Variants in NUP205 observed in about 807,000 individuals in gnomAD.
The protein encoded by NUP205 is nucleoporin 205.
In NUP205, 76 loss-of-function variants were observed where a neutral mutation model predicts 253.8. The observed-to-expected ratio is 0.30, with a 90% CI of 0.25 to 0.36. The LOEUF (loss-of-function observed/expected upper bound fraction) is 0.36, where lower values mean the gene tolerates loss of function less well. Ranked by LOEUF, NUP205 falls within the 10% of genes least tolerant of loss-of-function variation. NUP205 has a pLI of 1.00. For missense variants in NUP205, 2,162 were observed against 2,425.5 expected, an observed-to-expected ratio of 0.89 and a Z score of 2.28; for synonymous variants, 832 against 850.1, an observed-to-expected ratio of 0.98 and a Z score of 0.37.
rs61459701 is a variant in NUP205, at chr7:135,584,908, G to A, written c.1119G>A (p.Met373Ile). 0.036 allele frequency: 58,059 copies of A among 1,613,540 alleles called. 1,211 individuals are homozygous for A. The highest frequency in any genetic ancestry group is 0.075 in the Middle Eastern group (457 of 6,058). Reference sequence around the variant, plus strand: ...CTGACAACGTTTTCCTGTTCCTCATGGAATCTGTAGTGGTATCAGAATACT... The same window carrying A: ...CTGACAACGTTTTCCTGTTCCTCATAGAATCTGTAGTGGTATCAGAATACT... ...AIADNVFLFL[M>I]ESVVVSEYFY... The change falls in exon 8 of 43, where the codon ATG becomes ATA. Residue 373 changes from methionine (M) to isoleucine (I), a missense_variant. By Grantham distance (10) the Met-to-Ile change is conservative (BLOSUM62 1). Coordinates refer to ENST00000285968, the MANE Select transcript of NUP205 (RefSeq NM_015135.3).
chr7:135,629,557 C>T (rs1217809593), intron 34 of NUP205, among the ~76,000 whole-genome samples: 1 of 145,944 alleles, frequency 6.9e-6, no homozygotes, highest in Non-Finnish European at 1.5e-5. Flanking sequence ...GACAGAGTCT[C>T]ACTTCGTCAC....
intron 22 of NUP205, among the ~76,000 whole-genome samples, chr7:135,609,051 C>A (rs1386940769): frequency 6.7e-6 from 1 of 148,370 alleles, no homozygotes; most frequent in Non-Finnish European, 1.5e-5. Flanking sequence ...TTGCAGTGAA[C>A]CTAGATCGTG....
intron 36 of NUP205, among the ~76,000 whole-genome samples, chr7:135,636,511 T>A (rs1794813602): frequency 6.6e-6 from 1 of 151,870 alleles, no homozygotes; most frequent in Non-Finnish European, 1.5e-5. Context: ...ATACTTTGGG[T>A]TTTTTAAGTC....
chr7:135,611,252 C>T (rs1052501811), intron 22 of NUP205, among the ~76,000 whole-genome samples: 6 of 152,066 alleles, frequency 3.9e-5, no homozygotes, highest in Non-Finnish European at 7.4e-5. Flanking sequence ...TCAGGTGATC[C>T]GTCCACCTTG....
intron 35 of NUP205, chr7:135,635,176 C>T (rs1402130949): frequency 2.0e-5 from 3 of 152,424 alleles, no homozygotes; most frequent in African/African-American, 7.3e-5. Context: ...TTGTACTTTG[C>T]CTAGGGGAAA....
intron 36 of NUP205, among the ~76,000 whole-genome samples, chr7:135,637,292 G>A (rs201148809): frequency 1.1e-3 from 168 of 152,300 alleles, no homozygotes; most frequent in African/African-American, 3.9e-3. Flanking sequence ...ACCTGTTATT[G>A]GAACCCATGT....
At chr7:135,629,593 T>C (rs1169584665) in intron 34 of NUP205, among the ~76,000 whole-genome samples, 4 of 151,286 alleles carry the variant, frequency 2.6e-5, no homozygotes, top group Non-Finnish European at 5.9e-5. Context: ...GTGGCACGAT[T>C]CCAGCTCACT....
chr7:135,607,782 G>A (rs1794119961), intron 22 of NUP205, among the ~76,000 whole-genome samples: 1 of 152,066 alleles, frequency 6.6e-6, no homozygotes. Context: ...ACTGTTGAGA[G>A]ACTTCAATGA....
chr7:135,602,889 T>C lies in NUP205; in HGVS notation c.2597T>C (p.Leu866Pro), dbSNP rs1159302098. ...TLQKENLFMDLLRESQLALIV... is the reference protein window; with the variant it reads ...TLQKENLFMDPLRESQLALIV... ...CAAAAGGAAAATCTTTTTATGGACCTTCTAAGAGAGAGTCAACTGGCTCTA... is the reference window on the plus strand; with the variant it reads ...CAAAAGGAAAATCTTTTTATGGACCCTCTAAGAGAGAGTCAACTGGCTCTA... Residue 866 changes from leucine to proline, a missense_variant, in exon 18 of 43, where the codon CTT becomes CCT. Coordinates refer to ENST00000285968, the MANE Select transcript of NUP205 (RefSeq NM_015135.3). The C allele has an allele frequency of 3.7e-6, 6 of 1,613,602 alleles. No individual in the cohort carries two copies. In the East Asian group the frequency reaches 6.7e-5, roughly 18 times the overall value.
chr7:135,576,938 A>G (rs768201397), intron 4 of NUP205, 31 bp from the exon 5 acceptor site: 2 of 1,591,098 alleles, frequency 1.3e-6, no homozygotes, highest in Non-Finnish European at 1.7e-6. Context: ...AATATTGTTT[A>G]ACGTAGTTTA....
At chr7:135,617,959 G>C (rs993804838) in intron 27 of NUP205, among the ~76,000 whole-genome samples, 2 of 151,716 alleles carry the variant, frequency 1.3e-5, no homozygotes, top group Non-Finnish European at 2.9e-5. Context: ...AGTGAGAGAG[G>C]AGGGTCATTT....
rs1171562588 is a variant in NUP205 at position 135,646,158 on chromosome 7, A to T, written c.5813A>T (p.Asp1938Val). ...RTLFKSRRLQ[D>V]SFASETNLDF... is the part of the protein sequence containing the mutation. ...TATGACTCTGTTTTTTTATCTCTAG[A>T]TTCCTTCGCCTCAGAAACCAATCTA... Residue 1938 changes from aspartate to valine, a missense_variant and splice_region_variant, in exon 42 of 43, where the codon GAT (aspartate) becomes GTT (valine). Physicochemically the swap from Asp to Val is radical, Grantham distance 152. Transcript: ENST00000285968. 4 of 1,611,266 alleles carry T rather than the reference A, an allele frequency of 2.5e-6. No homozygotes were observed. The South Asian group carries it at 4.4e-5, about 18-fold the overall frequency.
chr7:135,605,054 A>G (rs75578320), intron 19 of NUP205, among the ~76,000 whole-genome samples: 22,210 of 149,564 alleles, frequency 0.15, 1,699 homozygotes, highest in East Asian at 0.19. Context: ...TAGTTGAAGA[A>G]TTTTTTTTTT....
At chr7:135,634,614 A>G (rs115428590) in intron 35 of NUP205, among the ~76,000 whole-genome samples, 1,604 of 152,218 alleles carry the variant, frequency 0.011, 31 homozygotes, top group African/African-American at 0.037. Flanking sequence ...ACTTTAGCCT[A>G]TTTTCAAATA....
chr7:135,601,256 C>A, intron 16 of NUP205, 114 bp from the exon 17 acceptor site: 2 of 963,916 alleles, frequency 2.1e-6, no homozygotes, highest in Non-Finnish European at 3.1e-6. Context: ...TTGAAACTTG[C>A]CTTTATCTAT....
In NUP205 at chr7:135,617,200, A is replaced by G; in HGVS notation, c.3643A>G (p.Asn1215Asp). 1 of 1,613,910 alleles carries G rather than the reference A, an allele frequency of 6.2e-7. No individual in the cohort carries two copies. The highest frequency in any genetic ancestry group is 8.5e-7 in the Non-Finnish European group (1 of 1,179,876). ...DRAQIEQVIA[N>D]CEHKNLRGQT... is the part of the protein sequence containing the mutation. Reference sequence around the variant, plus strand: ...GGCCCAGATTGAACAAGTTATTGCTAACTGTGAACACAAGAATTTACGGGG... The same window carrying G: ...GGCCCAGATTGAACAAGTTATTGCTGACTGTGAACACAAGAATTTACGGGG... Residue 1215 changes from asparagine to aspartate, a missense_variant, in exon 26 of 43, where the codon AAC becomes GAC. Physicochemically the swap from Asn to Asp is conservative, Grantham distance 23 (BLOSUM62 1). This residue lies in a region of NUP205 where 1,144 missense variants were observed against 1,280.9 expected (regional missense o/e 0.89). Transcript: ENST00000285968.
Position 135,587,663 on chromosome 7 carries a change from G to A in NUP205, c.1307G>A (p.Arg436Lys). ...GGTAATGAACCCCCCATTTCACTTA[G>A]AAGGGACCTGGAACACTTAATGCTT... Reference protein sequence around the residue: ...QMGNEPPISLRRDLEHLMLLI... With the variant: ...QMGNEPPISLKRDLEHLMLLI... Residue 436 changes from arginine (R) to lysine (K), a missense_variant, in exon 9 of 43, where the codon AGA becomes AAA. Arg to Lys is a conservative substitution (Grantham distance 26). Around this residue, in one of 5 missense-constraint regions of NUP205, gnomAD observed 892 missense variants for 957.1 expected, o/e 0.93. Transcript: ENST00000285968. 2 of 1,608,984 alleles carry A rather than the reference G, an allele frequency of 1.2e-6. No homozygotes were observed. Among genetic ancestry groups the A allele is most frequent in the Non-Finnish European group, 1.7e-6 (2 of 1,177,270 alleles).
chr7:135,595,340 C>T (rs1405620752), intron 13 of NUP205, among the ~76,000 whole-genome samples: 1 of 152,046 alleles, frequency 6.6e-6, no homozygotes, highest in Non-Finnish European at 1.5e-5. Context: ...TCTTGTGCCT[C>T]AGCCTCCTGA....
At position 135,623,821 on chromosome 7, in the gene NUP205, C is replaced by T. The variant is rs184147712; in HGVS notation, c.4479+896C>T. Among the ~76,000 whole-genome samples, 6 of 152,242 alleles carry T rather than the reference C, an allele frequency of 3.9e-5. No individual in the cohort carries two copies. The East Asian group carries it at 1.2e-3, about 29-fold the overall frequency. On this transcript the variant is annotated intron_variant, in intron 31 of 42. Coordinates refer to ENST00000285968, the MANE Select transcript of NUP205 (RefSeq NM_015135.3). Reference sequence around the variant, plus strand: ...TTTTTGAGATGGAGTCTCGCTCTGTCGCCCCGGCTAGAGTGTAGTGGCGCA... The same window carrying T: ...TTTTTGAGATGGAGTCTCGCTCTGTTGCCCCGGCTAGAGTGTAGTGGCGCA...
Sources: allele counts gnomAD v4.1 joint callset (sites outside exome capture counted in the v4.1 genomes callset), GRCh38; gene constraint gnomAD v4.1.1; regional missense constraint gnomAD v4.1.1; transcripts MANE v1.5; gene names NCBI Gene and HGNC (gene_info 2026-07-23, HGNC 2026-07-21).